The following SH3GL2 variants were observed in gnomAD, a reference collection of about 807,000 sequenced individuals.
The protein encoded by SH3GL2 is endophilin-A1.
A neutral mutation model predicts 46.0 loss-of-function variants in SH3GL2; 24 were observed. That is an observed-to-expected ratio of 0.52 (90% CI 0.38 to 0.73). SH3GL2 has a LOEUF of 0.73. Among genes scored for constraint, SH3GL2 ranks in the 30% least tolerant of loss-of-function variants. The probability of loss-of-function intolerance (pLI) is 0.00; values close to 1 mark genes in which losing one functional copy is unlikely to be tolerated. For missense variants in SH3GL2, 413 were observed against 424.2 expected, an observed-to-expected ratio of 0.97 and a Z score of 0.23; for synonymous variants, 196 against 147.1, an observed-to-expected ratio of 1.33 and a Z score of -2.40.
At chr9:17,767,945 A>C (rs1823363573) in intron 3 of SH3GL2, among the ~76,000 whole-genome samples, 1 of 152,206 alleles carries the variant, frequency 6.6e-6, no homozygotes, top group African/African-American at 2.4e-5. Flanking sequence ...GAAAATATTG[A>C]AAATAGGTTC....
intron 1 of SH3GL2, among the ~76,000 whole-genome samples, chr9:17,669,791 GGC>G (rs1820428336): frequency 6.6e-6 from 1 of 152,100 alleles, no homozygotes; most frequent in Non-Finnish European, 1.5e-5. Context: ...GTATTGAAGT[GGC>G]CTTGTTTTCT....
At chr9:17,625,968 T>C (rs1205905646) in intron 1 of SH3GL2, among the ~76,000 whole-genome samples, 5 of 152,240 alleles carry the variant, frequency 3.3e-5, no homozygotes, top group Middle Eastern at 3.2e-3. Flanking sequence ...CTGTGGTTGA[T>C]GAAGCAGAGC....
In SH3GL2 at chr9:17,596,185, C is replaced by T. The variant is rs563061984; in HGVS notation, c.45+16898C>T. On this transcript the variant is annotated intron_variant, in intron 1 of 8. Transcript: ENST00000380607. ...GGCATTTAGCTTAAAACTATTGGAA[C>T]ACCTGCCCTGCCCTCCATAGAGCCC... Among the ~76,000 whole-genome samples the T allele has an allele frequency of 5.9e-5, 9 of 152,292 alleles. No individual in the cohort carries two copies. The South Asian group carries it at 1.4e-3, about 25-fold the overall frequency.
chr9:17,740,600 A>T (rs1822499110), intron 1 of SH3GL2, among the ~76,000 whole-genome samples: 2 of 152,138 alleles, frequency 1.3e-5, no homozygotes, highest in South Asian at 2.1e-4. Flanking sequence ...ATAAATATTG[A>T]GAATACAGTA....
At chr9:17,754,790 T>C (rs1051431492) in intron 2 of SH3GL2, among the ~76,000 whole-genome samples, 2 of 152,230 alleles carry the variant, frequency 1.3e-5, no homozygotes, top group Admixed American at 6.5e-5. Flanking sequence ...TTGGCTTGAC[T>C]GTTCTTGGTG....
chr9:17,665,613 G>C (rs1820323353), intron 1 of SH3GL2, among the ~76,000 whole-genome samples: 1 of 151,834 alleles, frequency 6.6e-6, no homozygotes, highest in African/African-American at 2.4e-5. Flanking sequence ...TTACAAATCT[G>C]GCCAGTAAGA....
intron 1 of SH3GL2, among the ~76,000 whole-genome samples, chr9:17,593,183 T>G (rs554664446): frequency 1.3e-5 from 2 of 152,354 alleles, no homozygotes; most frequent in South Asian, 4.1e-4. Flanking sequence ...AGTAAGTGTT[T>G]CCCTGAGTTC....
intron 1 of SH3GL2, among the ~76,000 whole-genome samples, chr9:17,609,287 T>C (rs1818817269): frequency 6.6e-6 from 1 of 152,128 alleles, no homozygotes; most frequent in Non-Finnish European, 1.5e-5. Flanking sequence ...AGTTTTTTTT[T>C]TTCTGGATAT....
At chr9:17,701,239 G>C (rs1012868172) in intron 1 of SH3GL2, among the ~76,000 whole-genome samples, 3 of 152,122 alleles carry the variant, frequency 2.0e-5, no homozygotes, top group Non-Finnish European at 4.4e-5. Flanking sequence ...TACAAAAGTT[G>C]AAAATCTCTT....
chr9:17,789,759 T>A (rs1292004341), intron 6 of SH3GL2: 4 of 984,078 alleles, frequency 4.1e-6, no homozygotes, highest in African/African-American at 1.7e-5. Flanking sequence ...TTTAACTAGA[T>A]TCTCGACTGC....
chr9:17,661,961 T>C (rs1472183125), intron 1 of SH3GL2, among the ~76,000 whole-genome samples: 1 of 152,180 alleles, frequency 6.6e-6, no homozygotes, highest in Admixed American at 6.5e-5. Flanking sequence ...TTTGGTTAAT[T>C]TCTCTGTTTT....
chr9:17,783,917 G>A (rs1823882566), intron 3 of SH3GL2, among the ~76,000 whole-genome samples: 1 of 152,072 alleles, frequency 6.6e-6, no homozygotes, highest in Admixed American at 6.6e-5. Flanking sequence ...CTTTAAATTT[G>A]TATTTTCCAG....
At chr9:17,648,243 A>C (rs567050915) in intron 1 of SH3GL2, among the ~76,000 whole-genome samples, 6 of 152,286 alleles carry the variant, frequency 3.9e-5, no homozygotes, top group African/African-American at 1.4e-4. Flanking sequence ...TTGTTCAAGG[A>C]TTCCACTTGT....
chr9:17,680,067 C>G (rs1266784215), intron 1 of SH3GL2, among the ~76,000 whole-genome samples: 1 of 152,136 alleles, frequency 6.6e-6, no homozygotes, highest in Non-Finnish European at 1.5e-5. Flanking sequence ...CGATGTTCAT[C>G]AGGGATATTG....
At chr9:17,719,469 A>G (rs1821839802) in intron 1 of SH3GL2, among the ~76,000 whole-genome samples, 1 of 152,264 alleles carries the variant, frequency 6.6e-6, no homozygotes. Flanking sequence ...GGAGTCAGGT[A>G]CATCATGTCC....
intron 1 of SH3GL2, among the ~76,000 whole-genome samples, chr9:17,694,994 C>T (rs925123851): frequency 3.2e-4 from 48 of 151,904 alleles, no homozygotes; most frequent in African/African-American, 1.2e-3. Flanking sequence ...AAAATTTTCA[C>T]TAGACATGAA....
intron 1 of SH3GL2, among the ~76,000 whole-genome samples, chr9:17,704,541 G>T (rs936344190): frequency 6.6e-6 from 1 of 152,040 alleles, no homozygotes; most frequent in Non-Finnish European, 1.5e-5. Flanking sequence ...TTATGCTACA[G>T]GCTATGGTAA....
At chr9:17,789,304 A>G in intron 5 of SH3GL2, 88 bp from the exon 6 acceptor site, 1 of 1,041,884 alleles carries the variant, frequency 9.6e-7, no homozygotes, top group Non-Finnish European at 1.4e-6. Context: ...CTTAATTTGG[A>G]AGTTAATGGA....
intron 1 of SH3GL2, among the ~76,000 whole-genome samples, chr9:17,689,279 C>T (rs952192349): frequency 2.0e-5 from 3 of 151,970 alleles, no homozygotes; most frequent in Non-Finnish European, 4.4e-5. Flanking sequence ...GAGAAACTGT[C>T]AAACCAAGAG....
Sources: gnomAD v4.1 joint callset for allele counts (sites outside exome capture counted in the v4.1 genomes callset) on GRCh38, gnomAD v4.1.1 for gene constraint, MANE v1.5 for transcripts, NCBI Gene and HGNC (gene_info 2026-07-23, HGNC 2026-07-21) for gene names.